The following CYB5D2 variants were observed in gnomAD, a reference collection of about 807,000 sequenced individuals.
The protein encoded by CYB5D2 is cytochrome b5 domain containing 2.
Under a neutral mutation model 22.8 loss-of-function variants are expected in CYB5D2, and 23 were observed. The ratio of observed to expected loss-of-function variants is 1.01; its 90% CI spans 0.73 to 1.43. CYB5D2 has a LOEUF of 1.43. Among genes scored for constraint, CYB5D2 ranks in the 40% most tolerant of loss-of-function variants. The pLI is 0.00. For synonymous variants in CYB5D2, 170 were observed against 152.2 expected (o/e 1.12, Z -0.86); for missense variants, 373 against 357.2 (o/e 1.04, Z -0.36).
chr17:4,146,731 A>C (rs1794874442), intron 1 of CYB5D2, among the ~76,000 whole-genome samples: 1 of 151,718 alleles, frequency 6.6e-6, no homozygotes, highest in Non-Finnish European at 1.5e-5. Context: ...ATTTGTAAAA[A>C]TGTCACCACT....
intron 1 of CYB5D2, among the ~76,000 whole-genome samples, chr17:4,147,460 T>C (rs1372354724): frequency 6.6e-6 from 1 of 152,222 alleles, no homozygotes; most frequent in Non-Finnish European, 1.5e-5. Flanking sequence ...AATTAATGTA[T>C]TATTTTTGTG....
intron 2 of CYB5D2, chr17:4,151,117 A>G (rs902482979): frequency 1.3e-5 from 2 of 152,140 alleles, no homozygotes; most frequent in African/African-American, 4.8e-5. Context: ...TGGCATTTTT[A>G]TTAACACCTC....
At position 4,154,421 on chromosome 17, in the gene CYB5D2, C is replaced by T. The variant is rs1036688038; in HGVS notation, c.392-253C>T. ...GGCTGTGCCCTCAGGGAAGCCTTGT[C>T]TGGAAGTGAGAGAGGTTTGATGGTT... On this transcript the variant is annotated intron_variant, in intron 2 of 3. Transcript: ENST00000301391. Among the ~76,000 whole-genome samples the T allele has an allele frequency of 2.6e-4, 39 of 152,216 alleles. 1 individual carries two copies. Among genetic ancestry groups the T allele is most frequent in the Admixed American group, 2.0e-3 (30 of 15,284 alleles).
chr17:4,156,467 G>T (rs1367093544), intron 3 of CYB5D2, among the ~76,000 whole-genome samples: 1 of 152,268 alleles, frequency 6.6e-6, no homozygotes, highest in Non-Finnish European at 1.5e-5. Flanking sequence ...ACCTGCGCTG[G>T]GTTGTAGTGG....
intron 1 of CYB5D2, among the ~76,000 whole-genome samples, chr17:4,147,349 C>T (rs1293958246): frequency 6.6e-6 from 1 of 152,202 alleles, no homozygotes; most frequent in Non-Finnish European, 1.5e-5. Context: ...GTACCAGACA[C>T]TGGGGAATCC....
intron 1 of CYB5D2, among the ~76,000 whole-genome samples, chr17:4,147,911 A>G (rs756846580): frequency 1.3e-5 from 2 of 152,228 alleles, no homozygotes; most frequent in African/African-American, 4.8e-5. Context: ...GTGCAGGACA[A>G]TGAATGACGT....
In CYB5D2 at chr17:4,143,529, GAAAAA is replaced by G; in HGVS notation, c.-216_-212del. 5 of 357,026 alleles carry G rather than the reference GAAAAA, an allele frequency of 1.4e-5. No individual in the cohort carries two copies. The highest frequency in any genetic ancestry group is 5.3e-5 in the East Asian group (1 of 18,864). The allele number at this position is 357,026 out of a possible 1,614,324, so 22.1% of individuals were successfully genotyped here. Reference sequence around the variant, plus strand: ...CAACAAGAGCTAAAACTCTGTCTCAGAAAAAAAAAAAAAAAGTACCTGGAAAAAGT... The same window carrying G: ...CAACAAGAGCTAAAACTCTGTCTCAGAAAAAAAAAAGTACCTGGAAAAAGT... On this transcript the variant is annotated 5_prime_UTR_variant, in exon 1 of 4. Transcript: ENST00000301391.
At chr17:4,155,969 A>G (rs527637130) in intron 3 of CYB5D2, among the ~76,000 whole-genome samples, 1 of 152,218 alleles carries the variant, frequency 6.6e-6, no homozygotes, top group Non-Finnish European at 1.5e-5. Context: ...CATTAGACTG[A>G]GAGGAACAAG....
intron 3 of CYB5D2, among the ~76,000 whole-genome samples, chr17:4,155,835 A>G (rs1293856853): frequency 2.6e-5 from 4 of 152,134 alleles, no homozygotes; most frequent in Non-Finnish European, 5.9e-5. Context: ...TCTTGCTTTC[A>G]TGACTGAGTA....
chr17:4,145,845 C>T (rs895967668), intron 1 of CYB5D2, among the ~76,000 whole-genome samples: 1 of 152,250 alleles, frequency 6.6e-6, no homozygotes, highest in Non-Finnish European at 1.5e-5. Context: ...GTCACCCAGG[C>T]TGGCGTGCAG....
chr17:4,150,237 A>G (rs959908920), intron 2 of CYB5D2, among the ~76,000 whole-genome samples: 1 of 152,120 alleles, frequency 6.6e-6, no homozygotes, highest in Non-Finnish European at 1.5e-5. Context: ...GTCTTGGGAG[A>G]GGATTACTAA....
chr17:4,155,728 C>A (rs1002030021), intron 3 of CYB5D2, among the ~76,000 whole-genome samples: 3 of 152,180 alleles, frequency 2.0e-5, no homozygotes, highest in African/African-American at 7.2e-5. Context: ...GAGGAGACTC[C>A]AGGAGGCCTG....
In CYB5D2 at chr17:4,143,729, A is replaced by G. The variant is rs1267703297; in HGVS notation, c.-27A>G. 1.3e-6 allele frequency: 2 copies of G among 1,585,666 alleles called. No homozygotes were observed. Among genetic ancestry groups the G allele is most frequent in the Non-Finnish European group, 8.6e-7 (1 of 1,162,550 alleles). ...CTGTAGATAGAGGCGGCAACCTCGGAAGTGCGGAGCGGGTGGGCCTATATA... is the reference window on the plus strand; with the variant it reads ...CTGTAGATAGAGGCGGCAACCTCGGGAGTGCGGAGCGGGTGGGCCTATATA... On this transcript the variant is annotated 5_prime_UTR_variant, in exon 1 of 4. Coordinates refer to ENST00000301391, the MANE Select transcript of CYB5D2 (RefSeq NM_144611.4).
chr17:4,147,998 T>C (rs2059011791), intron 1 of CYB5D2, among the ~76,000 whole-genome samples: 1 of 152,120 alleles, frequency 6.6e-6, no homozygotes, highest in African/African-American at 2.4e-5. Flanking sequence ...ATGTGATCAG[T>C]TTGTGTTTAA....
chr17:4,149,668 G>A (rs1487739167), intron 1 of CYB5D2, among the ~76,000 whole-genome samples: 3 of 152,164 alleles, frequency 2.0e-5, no homozygotes, highest in South Asian at 2.1e-4. Context: ...GCGTGGTGGC[G>A]GGCGCCTGTA....
At chr17:4,154,898 C>T (rs1285713645) in intron 3 of CYB5D2, 38 bp downstream of exon 3, 3 of 1,582,150 alleles carry the variant, frequency 1.9e-6, no homozygotes, top group Non-Finnish European at 2.6e-6. Context: ...CTGCCTGTCC[C>T]AAATCCAACT....
rs1012450003 is a variant in CYB5D2, at chr17:4,143,236, T to C, written c.-520T>C. 8.4e-6 allele frequency: 2 copies of C among 238,484 alleles called. No homozygotes were observed. The highest frequency in any genetic ancestry group is 1.9e-4 in the East Asian group (2 of 10,638). 14.8% of individuals were successfully genotyped at this position (238,484 alleles called of 1,614,324 possible). On this transcript the variant is annotated 5_prime_UTR_variant, in exon 1 of 4. Transcript: ENST00000301391. ...GGCTGACAACCTGCAAGCCAAGAAG[T>C]ACGAGAAGGGCCAGGCGCGGTGGCT...
rs553460924 is a variant in CYB5D2, at chr17:4,143,669, C to T, written c.-87C>T. ...AGAGAGAGAGCGAGAGCGCGCGCGC[C>T]GATGACGTCACGCTCGGCGTCTCGG... is the stretch of plus-strand genomic sequence containing the variant. On this transcript the variant is annotated 5_prime_UTR_variant, in exon 1 of 4. Transcript: ENST00000301391. 1.2e-5 allele frequency: 18 copies of T among 1,510,032 alleles called. No homozygotes were observed. Among genetic ancestry groups the T allele is most frequent in the Middle Eastern group, 2.5e-4 (1 of 4,064 alleles). 93.5% of individuals were successfully genotyped at this position (1,510,032 alleles called of 1,614,324 possible).
At chr17:4,144,113 C>G (rs2058944993) in intron 1 of CYB5D2, 108 bp downstream of exon 1, 1 of 1,429,670 alleles carries the variant, frequency 7.0e-7, no homozygotes, top group Admixed American at 2.3e-5. Flanking sequence ...CATCCCCACC[C>G]CACATCCATC....
Sources: gnomAD v4.1 joint callset for allele counts (sites outside exome capture counted in the v4.1 genomes callset) on GRCh38, gnomAD v4.1.1 for gene constraint, MANE v1.5 for transcripts, NCBI Gene and HGNC (gene_info 2026-07-23, HGNC 2026-07-21) for gene names.